Variants in VWA8 observed in about 807,000 individuals in gnomAD.
The protein encoded by VWA8 is von Willebrand factor A domain-containing protein 8.
In VWA8, 221 loss-of-function variants were observed where a neutral mutation model predicts 241.5. The observed-to-expected ratio is 0.91, with a 90% CI of 0.82 to 1.02. The LOEUF (loss-of-function observed/expected upper bound fraction) is 1.02, where lower values mean the gene tolerates loss of function less well. Ranked by LOEUF, VWA8 falls within the 50% of genes least tolerant of loss-of-function variation. The pLI, the probability that VWA8 is intolerant of heterozygous loss-of-function variation, is 0.00. For synonymous variants in VWA8, 852 were observed against 827.1 expected (o/e 1.03, Z -0.52); for missense variants, 2,322 against 2,328.7 (o/e 1.00, Z 0.06).
At chr13:41,904,198 T>C (rs1030133901) in intron 4 of VWA8, among the ~76,000 whole-genome samples, 1 of 152,234 alleles carries the variant, frequency 6.6e-6, no homozygotes, top group African/African-American at 2.4e-5. Flanking sequence ...AATAAATCTT[T>C]AGATAATCGA....
At chr13:41,871,796 T>C (rs1331295734) in intron 9 of VWA8, among the ~76,000 whole-genome samples, 4 of 152,154 alleles carry the variant, frequency 2.6e-5, no homozygotes, top group Non-Finnish European at 4.4e-5. Flanking sequence ...AGCAGCATGA[T>C]TTATAGTCCT....
chr13:41,733,096 A>G (rs2045497632), intron 21 of VWA8, among the ~76,000 whole-genome samples: 1 of 152,180 alleles, frequency 6.6e-6, no homozygotes, highest in South Asian at 2.1e-4. Flanking sequence ...ACTATCTACT[A>G]TGTATAAGAC....
chr13:41,590,123 G>C (rs1346770901), intron 41 of VWA8, among the ~76,000 whole-genome samples: 1 of 152,124 alleles, frequency 6.6e-6, no homozygotes, highest in Non-Finnish European at 1.5e-5. Context: ...TCTGCTCATG[G>C]GAGGCACTGG....
At chr13:41,618,672 C>T (rs2044637343) in intron 37 of VWA8, among the ~76,000 whole-genome samples, 1 of 152,242 alleles carries the variant, frequency 6.6e-6, no homozygotes, top group South Asian at 2.1e-4. Context: ...GAAAGGGATC[C>T]AGTTTCAGCT....
chr13:41,901,889 A>AAAAAAT (rs1566500253), intron 4 of VWA8, among the ~76,000 whole-genome samples: 2 of 83,340 alleles, frequency 2.4e-5, no homozygotes, highest in African/African-American at 1.0e-4. Context: ...AAAAAAAAAA[A>AAAAAAT]ATATATATAT....
rs747963865 is a variant in VWA8 at position 41,703,310 on chromosome 13, T to C, written c.3218A>G (p.Asp1073Gly). ...LLCPVETHHI[D>G]IKGPALINIQ... Reference sequence around the variant, plus strand: ...AATAATGATGATATCAACCTTTATGTCTATATGATGAGTTTCCACTGGACA... The same window carrying C: ...AATAATGATGATATCAACCTTTATGCCTATATGATGAGTTTCCACTGGACA... Residue 1073 changes from aspartate (D) to glycine (G), a missense_variant, in exon 27 of 45, where the codon GAC (aspartate) becomes GGC (glycine). Transcript: ENST00000379310. 6.2e-7 allele frequency: 1 copy of C among 1,613,496 alleles called. No homozygotes were observed. The highest frequency in any genetic ancestry group is 1.1e-5 in the South Asian group (1 of 91,076).
chr13:41,590,389 C>A (rs919504918), intron 41 of VWA8, among the ~76,000 whole-genome samples: 1 of 152,054 alleles, frequency 6.6e-6, no homozygotes, highest in African/African-American at 2.4e-5. Flanking sequence ...AGTCTTTGTA[C>A]TGACTGTTTC....
At chr13:41,737,723 A>G (rs9594623) in intron 21 of VWA8, among the ~76,000 whole-genome samples, 39,940 of 152,084 alleles carry the variant, frequency 0.26, 5,994 homozygotes, top group Non-Finnish European at 0.33. Context: ...AGTAATGCTA[A>G]CTATTTGACA....
intron 23 of VWA8, among the ~76,000 whole-genome samples, chr13:41,728,013 T>A (rs1399687343): frequency 6.6e-6 from 1 of 152,094 alleles, no homozygotes; most frequent in Non-Finnish European, 1.5e-5. Context: ...TAGTACAAGT[T>A]TTATTATGGT....
chr13:41,664,438 G>C (rs1350954578), intron 37 of VWA8, among the ~76,000 whole-genome samples: 1 of 141,404 alleles, frequency 7.1e-6, no homozygotes, highest in African/African-American at 2.7e-5. Flanking sequence ...TGTTCCATTT[G>C]TTATACTGTA....
intron 21 of VWA8, among the ~76,000 whole-genome samples, chr13:41,736,149 A>G (rs2045523308): frequency 6.6e-6 from 1 of 152,154 alleles, no homozygotes; most frequent in Admixed American, 6.5e-5. Flanking sequence ...TTTCCAGTAC[A>G]AGACATTTAT....
chr13:41,826,058 AC>A (rs1871157410), intron 14 of VWA8, among the ~76,000 whole-genome samples: 1 of 148,770 alleles, frequency 6.7e-6, no homozygotes, highest in Non-Finnish European at 1.5e-5. Flanking sequence ...GAAGAATCTA[AC>A]CTATTATAAC....
At chr13:41,890,137 T>C (rs1211910395) in intron 5 of VWA8, among the ~76,000 whole-genome samples, 1 of 152,102 alleles carries the variant, frequency 6.6e-6, no homozygotes, top group African/African-American at 2.4e-5. Flanking sequence ...CCACAAACAG[T>C]AAAGAAACAG....
At chr13:41,603,336 G>A (rs2044533704) in intron 40 of VWA8, among the ~76,000 whole-genome samples, 2 of 152,086 alleles carry the variant, frequency 1.3e-5, no homozygotes, top group Admixed American at 1.3e-4. Flanking sequence ...ATTTGTGTGT[G>A]ATTGTGAGAA....
In VWA8 at chr13:41,570,717, AAG is replaced by A; in HGVS notation, c.5371-13_5371-12del. On this transcript the variant is annotated splice_polypyrimidine_tract_variant and intron_variant, in intron 43 of 44. Transcript: ENST00000379310. ...GTGGGCATGCATTGTCTGGAGGTAA[AAG>A]AAGTTGCACAAAAGCCATGGCTGAG... is the stretch of plus-strand genomic sequence containing the variant. 1.2e-6 allele frequency: 2 copies of A among 1,603,976 alleles called. No individual in the cohort carries two copies. The highest frequency in any genetic ancestry group is 1.7e-6 in the Non-Finnish European group (2 of 1,172,512).
At chr13:41,573,486 A>AAAAAATAAATATATAT in intron 43 of VWA8, among the ~76,000 whole-genome samples, 2 of 113,600 alleles carry the variant, frequency 1.8e-5, no homozygotes, top group African/African-American at 6.9e-5. Flanking sequence ...AAAAAAAAAA[A>AAAAAATAAATATATAT]ATATATATAT....
chr13:41,919,553 C>T (rs1043230003), intron 2 of VWA8, among the ~76,000 whole-genome samples: 3 of 152,106 alleles, frequency 2.0e-5, no homozygotes, highest in African/African-American at 7.2e-5. Context: ...GCCATCACTG[C>T]AGCACAGCTA....
At chr13:41,634,091 C>T (rs1160109075) in intron 37 of VWA8, among the ~76,000 whole-genome samples, 1 of 152,082 alleles carries the variant, frequency 6.6e-6, no homozygotes, top group Admixed American at 6.6e-5. Context: ...GTATGTTTGG[C>T]CATGGGTGCC....
intron 12 of VWA8, among the ~76,000 whole-genome samples, chr13:41,863,189 A>ATATATATTAGTTCT (rs1216417101): frequency 7.9e-5 from 12 of 151,468 alleles, no homozygotes; most frequent in African/African-American, 2.9e-4. Flanking sequence ...AGACGGGTCT[A>ATATATATTAGTTCT]GCCTCCCAGC....
Sources: gnomAD v4.1 joint callset for allele counts (sites outside exome capture counted in the v4.1 genomes callset) on GRCh38, gnomAD v4.1.1 for gene constraint, MANE v1.5 for transcripts, NCBI Gene and HGNC (gene_info 2026-07-23, HGNC 2026-07-21) for gene names.